ADGRG6: variants seen among roughly 807,000 people sequenced by gnomAD.
ADGRG6 encodes G-protein coupled receptor 126.
Under a neutral mutation model 142.4 loss-of-function variants are expected in ADGRG6, and 84 were observed. That is an observed-to-expected ratio of 0.59 (90% CI 0.49 to 0.71). The LOEUF is 0.71. Among genes scored for constraint, ADGRG6 ranks in the 30% least tolerant of loss-of-function variants. ADGRG6 has a pLI of 0.00. For missense variants in ADGRG6, 1,367 were observed against 1,466.6 expected (o/e 0.93, Z 1.11); for synonymous variants, 521 against 520.5 (o/e 1.00, Z -0.01).
At position 142,370,683 on chromosome 6, in the gene ADGRG6, A is replaced by G. The variant is rs760115531; in HGVS notation, c.959A>G (p.Lys320Arg). ...FRLWNFTMNA[K>R]ILSNLSCNVK... is the part of the protein sequence containing the mutation. The stretch of plus-strand genomic sequence containing the variant: ...CTTTGGAATTTTACCATGAATGCCA[A>G]AATCCTCTCCAACCTCAGCTGTAAT... Residue 320 changes from lysine to arginine, a missense_variant, in exon 4 of 25, where the codon AAA (lysine) becomes AGA (arginine). Lys to Arg is a conservative substitution (Grantham distance 26). Coordinates refer to ENST00000367609, the MANE Select transcript of ADGRG6 (RefSeq NM_198569.3). 6.2e-7 allele frequency: 1 copy of G among 1,613,898 alleles called. No individual in the cohort carries two copies. Among genetic ancestry groups the G allele is most frequent in the Admixed American group, 1.7e-5 (1 of 60,016 alleles).
At chr6:142,429,866 A>G (rs1443045054) in intron 22 of ADGRG6, among the ~76,000 whole-genome samples, 1 of 152,160 alleles carries the variant, frequency 6.6e-6, no homozygotes, top group East Asian at 1.9e-4. Context: ...ATCATGGGCA[A>G]CATGGTGATA....
chr6:142,427,095 T>C (rs1582677295), intron 22 of ADGRG6, among the ~76,000 whole-genome samples: 1 of 152,198 alleles, frequency 6.6e-6, no homozygotes, highest in East Asian at 1.9e-4. Flanking sequence ...TGGCTACTCA[T>C]TATGTATGCA....
intron 1 of ADGRG6, among the ~76,000 whole-genome samples, chr6:142,305,009 G>A (rs929474907): frequency 2.6e-5 from 4 of 151,894 alleles, no homozygotes; most frequent in African/African-American, 7.3e-5. Context: ...TTAAAACAGA[G>A]CAAATATGAC....
intron 1 of ADGRG6, among the ~76,000 whole-genome samples, chr6:142,306,117 T>G (rs1777483067): frequency 6.6e-6 from 1 of 152,206 alleles, no homozygotes. Context: ...TTCTGACAGT[T>G]GCTGGTATTG....
intron 18 of ADGRG6, among the ~76,000 whole-genome samples, chr6:142,411,834 T>C (rs543971355): frequency 1.2e-3 from 179 of 152,266 alleles, no homozygotes; most frequent in African/African-American, 4.2e-3. Context: ...TTTCTTATGT[T>C]GTCACTCATT....
chr6:142,372,793 C>T lies in ADGRG6; in HGVS notation c.1069+2000C>T, dbSNP rs147395446. Among the ~76,000 whole-genome samples, 421 of 152,250 alleles carry T rather than the reference C, an allele frequency of 2.8e-3. 2 individuals are homozygous for T. Among genetic ancestry groups the T allele is most frequent in the African/African-American group, 9.6e-3 (397 of 41,540 alleles). On this transcript the variant is annotated intron_variant, in intron 4 of 24. Coordinates refer to ENST00000367609, the MANE Select transcript of ADGRG6 (RefSeq NM_198569.3). ...TGAAGAATAAGGAGAGGGAATGGTGCACTTCCTGCATTCTGGGTGACTGTC... is the reference window on the plus strand; with the variant it reads ...TGAAGAATAAGGAGAGGGAATGGTGTACTTCCTGCATTCTGGGTGACTGTC...
At chr6:142,322,301 G>T (rs1244485074) in intron 2 of ADGRG6, among the ~76,000 whole-genome samples, 1 of 152,080 alleles carries the variant, frequency 6.6e-6, no homozygotes, top group African/African-American at 2.4e-5. Context: ...TTGAGAGTCT[G>T]AGGTGGGAGA....
intron 5 of ADGRG6, 90 bp from the exon 6 acceptor site, chr6:142,383,670 A>G (rs1294135033): frequency 2.9e-6 from 2 of 697,038 alleles, no homozygotes; most frequent in Admixed American, 2.3e-5. Context: ...CTTCCCCTAT[A>G]TATTTTAATG....
intron 4 of ADGRG6, among the ~76,000 whole-genome samples, chr6:142,372,238 A>G (rs1781292920): frequency 1.3e-5 from 2 of 152,244 alleles, no homozygotes; most frequent in Non-Finnish European, 2.9e-5. Flanking sequence ...AAGTTTCATT[A>G]TCAACTTTAA....
intron 3 of ADGRG6, among the ~76,000 whole-genome samples, chr6:142,368,441 T>C (rs1227958870): frequency 6.6e-6 from 1 of 152,164 alleles, no homozygotes; most frequent in Non-Finnish European, 1.5e-5. Context: ...TAAATATGTT[T>C]TCTATATTCT....
At chr6:142,354,633 G>A (rs969325359) in intron 2 of ADGRG6, among the ~76,000 whole-genome samples, 5 of 152,148 alleles carry the variant, frequency 3.3e-5, no homozygotes, top group African/African-American at 1.2e-4. Context: ...TTATGACTTA[G>A]TTTTATAGAA....
chr6:142,336,224 A>G (rs1373839082), intron 2 of ADGRG6, among the ~76,000 whole-genome samples: 2 of 152,310 alleles, frequency 1.3e-5, no homozygotes, highest in African/African-American at 4.8e-5. Flanking sequence ...ACTCCAGTGG[A>G]AGACAGTGAT....
chr6:142,370,499 A>G lies in ADGRG6; in HGVS notation c.775A>G (p.Asn259Asp), dbSNP rs768995447. The change falls in exon 4 of 25, where the codon AAT becomes GAT. Residue 259 changes from asparagine to aspartate, a missense_variant. Asn to Asp is a conservative substitution (Grantham distance 23, BLOSUM62 1). This residue lies in a region of ADGRG6 where 737 missense variants were observed against 746.5 expected (regional missense o/e 0.99). Transcript: ENST00000367609. The part of the protein sequence containing the change: ...SFEQLCLVWN[N>D]SLGSIGVNFK... ...TGAACAGCTCTGCCTTGTTTGGAAT[A>G]ATTCTTTGGGCTCTATTGGTGTAAA... 1 of 1,613,510 alleles carries G rather than the reference A, an allele frequency of 6.2e-7. No individual in the cohort carries two copies. The highest frequency in any genetic ancestry group is 8.5e-7 in the Non-Finnish European group (1 of 1,179,544).
At chr6:142,393,838 A>G in intron 8 of ADGRG6, 58 bp from the exon 9 acceptor site, 1 of 1,050,390 alleles carries the variant, frequency 9.5e-7, no homozygotes, top group Non-Finnish European at 1.4e-6. Context: ...CCCAAATTTT[A>G]TTGTTGATGA....
chr6:142,419,289 G>A (rs946517860), intron 21 of ADGRG6, among the ~76,000 whole-genome samples: 11 of 152,220 alleles, frequency 7.2e-5, no homozygotes, highest in Middle Eastern at 6.8e-3. Flanking sequence ...GAAGATGCTG[G>A]CTGCGGCTCC....
At chr6:142,394,554 TCA>T (rs1387856679) in intron 9 of ADGRG6, among the ~76,000 whole-genome samples, 1 of 151,836 alleles carries the variant, frequency 6.6e-6, no homozygotes, top group African/African-American at 2.4e-5. Context: ...TTTAGGTTAT[TCA>T]GGTCATGTAT....
chr6:142,391,023 C>G (rs1774870673), intron 7 of ADGRG6, among the ~76,000 whole-genome samples: 1 of 151,622 alleles, frequency 6.6e-6, no homozygotes, highest in African/African-American at 2.4e-5. Flanking sequence ...GCTGTTCAGT[C>G]ATTTATTTAG....
intron 3 of ADGRG6, among the ~76,000 whole-genome samples, 180 bp downstream of exon 3, chr6:142,368,090 C>T (rs1360557722): frequency 6.6e-6 from 1 of 152,122 alleles, no homozygotes; most frequent in African/African-American, 2.4e-5. Flanking sequence ...ATATAATTAC[C>T]AGATCCAAAA....
At chr6:142,314,971 AGTGTGTGTGTGTGTGTGTGT>A (rs58848776) in intron 2 of ADGRG6, among the ~76,000 whole-genome samples, 2 of 144,988 alleles carry the variant, frequency 1.4e-5, no homozygotes, top group Non-Finnish European at 3.0e-5. Flanking sequence ...CCAATCATGG[AGTGTGTGTGTGTGTGTGTGT>A]GTGTGTGTGT....
Sources: allele counts gnomAD v4.1 joint callset (sites outside exome capture counted in the v4.1 genomes callset), GRCh38; gene constraint gnomAD v4.1.1; regional missense constraint gnomAD v4.1.1; transcripts MANE v1.5; gene names NCBI Gene and HGNC (gene_info 2026-07-23, HGNC 2026-07-21).